CLMN: variants seen among roughly 807,000 people sequenced by gnomAD.
The protein encoded by CLMN is calmin (calponin-like, transmembrane).
A neutral mutation model predicts 92.7 loss-of-function variants in CLMN; 57 were observed. That is an observed-to-expected ratio of 0.61 (90% CI 0.50 to 0.77). The LOEUF is 0.77. CLMN is among the 30% of genes least tolerant of loss of function. CLMN has a pLI of 0.00. For missense variants in CLMN, 1,158 were observed against 1,237.5 expected, an observed-to-expected ratio of 0.94 and a Z score of 0.96; for synonymous variants, 466 against 470.6, an observed-to-expected ratio of 0.99 and a Z score of 0.13.
Position 95,203,963 on chromosome 14 carries a change from A to C in CLMN, c.1386T>G (p.His462Gln). ...CCTCAGCAACCTCAACTGCCAAGAC[A>C]TGTCCATCCTGCCTCAATGATTCCT... ...VAKESLRQDGHVLAVEVAEEK... is the reference protein window; with the variant it reads ...VAKESLRQDGQVLAVEVAEEK... Residue 462 changes from histidine (H) to glutamine (Q), a missense_variant, in exon 9 of 13, where the codon CAT becomes CAG. His to Gln is a conservative substitution (Grantham distance 24). Transcript: ENST00000298912. 1.2e-6 allele frequency: 2 copies of C among 1,614,164 alleles called. No homozygotes were observed. The highest frequency in any genetic ancestry group is 1.7e-6 in the Non-Finnish European group (2 of 1,180,016).
intron 1 of CLMN, among the ~76,000 whole-genome samples, chr14:95,278,051 T>C (rs1900000959): frequency 6.6e-6 from 1 of 152,258 alleles, no homozygotes; most frequent in Non-Finnish European, 1.5e-5. Context: ...GAACAACTTC[T>C]GACTTGCCAT....
At position 95,194,155 on chromosome 14, in the gene CLMN, G is replaced by T; in HGVS notation, c.2770-236C>A. 1 of 1,410,746 alleles carries T rather than the reference G, an allele frequency of 7.1e-7. No individual in the cohort carries two copies. Among genetic ancestry groups the T allele is most frequent in the Non-Finnish European group, 9.2e-7 (1 of 1,088,684 alleles). The allele number at this position is 1,410,746 out of a possible 1,614,324, so 87.4% of individuals were successfully genotyped here. ...CCCCACCACCCGGAACCCGGATTGG[G>T]GTGTGCTGCTCCGGGTTCTAACACA... On this transcript the variant is annotated intron_variant, in intron 11 of 12. Transcript: ENST00000298912. This position sits in a 1 kb window ranked among gnomAD's most constrained non-coding sequence, Gnocchi z 4.0.
At chr14:95,208,014 G>A (rs1897093132) in intron 8 of CLMN, among the ~76,000 whole-genome samples, 2 of 152,180 alleles carry the variant, frequency 1.3e-5, no homozygotes, top group Non-Finnish European at 2.9e-5. Flanking sequence ...TTATAAAAGA[G>A]GATTATGATA....
intron 9 of CLMN, among the ~76,000 whole-genome samples, chr14:95,202,560 C>A (rs919448274): frequency 6.6e-6 from 1 of 152,172 alleles, no homozygotes; most frequent in South Asian, 2.1e-4. Context: ...CAAAGGTGAC[C>A]TCACTTGATC....
intron 1 of CLMN, among the ~76,000 whole-genome samples, chr14:95,308,630 TCTCCCCAGCCTACCAACCCC>T (rs1566925590): frequency 6.6e-6 from 1 of 151,974 alleles, no homozygotes; most frequent in Admixed American, 6.6e-5. Flanking sequence ...TGTGGTCACC[TCTCCCCAGCCTACCAACCCC>T]CTCCCCGCAC....
rs573314135 is a variant in CLMN, at chr14:95,258,617, G to A, written c.83-28484C>T. Among the ~76,000 whole-genome samples, 68 of 147,354 alleles carry A rather than the reference G, an allele frequency of 4.6e-4. 1 individual carries two copies. Among genetic ancestry groups the A allele is most frequent in the African/African-American group, 1.6e-3 (62 of 39,922 alleles). On this transcript the variant is annotated intron_variant, in intron 1 of 12. Coordinates refer to ENST00000298912, the MANE Select transcript of CLMN (RefSeq NM_024734.4). ...ATGTATCTGTGGTATATGTGCGGAA[G>A]GTGTGTATGTGTGGTGTGTGGTGTG... is the stretch of plus-strand genomic sequence containing the variant.
intron 1 of CLMN, among the ~76,000 whole-genome samples, chr14:95,239,743 A>G (rs1246547371): frequency 2.0e-5 from 3 of 152,184 alleles, no homozygotes. Flanking sequence ...AATTGGTTTA[A>G]CTTTGTTTAA....
chr14:95,286,918 G>A (rs1163718083), intron 1 of CLMN, among the ~76,000 whole-genome samples: 2 of 152,202 alleles, frequency 1.3e-5, no homozygotes, highest in Admixed American at 1.3e-4. Flanking sequence ...TTGCAGACAG[G>A]CAGACCCAGG....
intron 1 of CLMN, among the ~76,000 whole-genome samples, chr14:95,299,716 C>T (rs1343929132): frequency 6.6e-6 from 1 of 152,232 alleles, no homozygotes; most frequent in Non-Finnish European, 1.5e-5. Context: ...TATGCCACCA[C>T]CTCCCACTTG....
intron 1 of CLMN, among the ~76,000 whole-genome samples, chr14:95,271,896 T>C (rs543282908): frequency 6.6e-5 from 10 of 152,364 alleles, no homozygotes; most frequent in South Asian, 4.1e-4. Flanking sequence ...CTGAACTTCA[T>C]CTACATGGAA....
chr14:95,221,668 C>T, intron 4 of CLMN, 23 bp downstream of exon 4: 1 of 1,597,610 alleles, frequency 6.3e-7, no homozygotes. Context: ...CTTGTGTTAG[C>T]AGGATGAGCT....
At chr14:95,276,073 C>G (rs1463603203) in intron 1 of CLMN, among the ~76,000 whole-genome samples, 1 of 152,208 alleles carries the variant, frequency 6.6e-6, no homozygotes, top group South Asian at 2.1e-4. Flanking sequence ...AACTGGGACC[C>G]CTTTCCAGTA....
At chr14:95,197,834 T>C (rs1595555688) in intron 9 of CLMN, among the ~76,000 whole-genome samples, 1 of 151,782 alleles carries the variant, frequency 6.6e-6, no homozygotes, top group East Asian at 1.9e-4. Flanking sequence ...CAGGCCATTG[T>C]GCCCCGGGAG....
chr14:95,203,563 C>T lies in CLMN; in HGVS notation c.1786G>A (p.Glu596Lys). Residue 596 changes from glutamate (E) to lysine (K), a missense_variant, in exon 9 of 13, where the codon GAG becomes AAG. Physicochemically the swap from Glu to Lys is moderately conservative, Grantham distance 56. Transcript: ENST00000298912. The stretch of plus-strand genomic sequence containing the variant: ...TTTTCAGCATGATTCTCAAAAGCCT[C>T]AGCATCCTCGTCAGGTTTTGTCTCA... ...PHETKPDEDAEAFENHAEKLG... is the reference protein window; with the variant it reads ...PHETKPDEDAKAFENHAEKLG... The T allele has an allele frequency of 6.2e-7, 1 of 1,614,188 alleles. No homozygotes were observed. The highest frequency in any genetic ancestry group is 1.1e-5 in the South Asian group (1 of 91,080).
Position 95,196,623 on chromosome 14 carries a change from A to G in CLMN, c.2583T>C (p.Ser861=). 6.2e-7 allele frequency: 1 copy of G among 1,613,710 alleles called. No individual in the cohort carries two copies. Among genetic ancestry groups the G allele is most frequent in the South Asian group, 1.1e-5 (1 of 91,052 alleles). The change falls in exon 10 of 13, where the codon AGT becomes AGC. Residue 861 remains serine, a synonymous_variant. Transcript: ENST00000298912. ...GTTTCCTTTTTTCCTTTTTTTTACT[A>G]CTGATTGATTCTTTCGTTACATTTT... ...LEENVTKESI[S]SKKKEKRKHV... is the part of the protein sequence containing the mutation.
intron 1 of CLMN, among the ~76,000 whole-genome samples, chr14:95,293,813 C>T (rs867067121): frequency 6.6e-6 from 1 of 152,110 alleles, no homozygotes; most frequent in South Asian, 2.1e-4. Context: ...CCAAGGGTCT[C>T]GGGACCATCA....
chr14:95,199,246 T>C (rs1896809152), intron 9 of CLMN: 1 of 152,230 alleles, frequency 6.6e-6, no homozygotes, highest in Non-Finnish European at 1.5e-5. Flanking sequence ...ACGAACCTGA[T>C]CCCTTATATT....
intron 1 of CLMN, among the ~76,000 whole-genome samples, chr14:95,266,911 G>T (rs1899495948): frequency 6.6e-6 from 1 of 152,114 alleles, no homozygotes; most frequent in Admixed American, 6.5e-5. Flanking sequence ...ACTTATTTTT[G>T]ACAAAGGGGC....
Position 95,198,046 on chromosome 14 carries a change from T to C in CLMN, c.2512-1352A>G, listed in dbSNP as rs868346330. 3.9e-3 allele frequency among the ~76,000 whole-genome samples: 533 copies of C among 137,848 alleles called. 5 individuals carry two copies. The highest frequency in any genetic ancestry group is 0.013 in the African/African-American group (443 of 34,022). 90.4% of individuals were successfully genotyped at this position (137,848 alleles called of 152,430 possible). ...GGAAAATATCTTTTTTTCTTTCTTT[T>C]TTTTTTTTTTTTTTTTTTTTGAGAT... On this transcript the variant is annotated intron_variant, in intron 9 of 12. Transcript: ENST00000298912.
Sources: gnomAD v4.1 joint callset for allele counts (sites outside exome capture counted in the v4.1 genomes callset) on GRCh38, gnomAD v4.1.1 for gene constraint, Gnocchi (gnomAD v3.1) non-coding constraint, MANE v1.5 for transcripts, NCBI Gene and HGNC (gene_info 2026-07-23, HGNC 2026-07-21) for gene names.